MED23: variants seen among roughly 807,000 people sequenced by gnomAD.
The protein encoded by MED23 is mediator complex subunit 23.
A neutral mutation model predicts 163.9 loss-of-function variants in MED23; 105 were observed. The observed-to-expected ratio is 0.64, with a 90% confidence interval of 0.55 to 0.75. The LOEUF is 0.75. MED23 is among the 30% of genes least tolerant of loss of function. The probability of loss-of-function intolerance (pLI) is 0.00; values close to 1 mark genes in which losing one functional copy is unlikely to be tolerated. For synonymous variants in MED23, 561 were observed against 565.6 expected (o/e 0.99, Z 0.12); for missense variants, 1,054 against 1,649.0 (o/e 0.64, Z 6.25).
downstream of MED23, chr6:131,582,704 C>T (rs1773993991): frequency 1.2e-6 from 2 of 1,613,546 alleles, no homozygotes; most frequent in Non-Finnish European, 1.7e-6. Context: ...GAGACGTGGA[C>T]CCTGGGGAAC....
Position 131,596,134 on chromosome 6 carries a change from G to A in MED23, c.2808C>T (p.Gly936=), listed in dbSNP as rs201053777. Residue 936 remains glycine, a synonymous_variant, in exon 22 of 29, where the codon GGC becomes GGT. Transcript: ENST00000368068. ...CAGGAGGATCCACCTGTTCCGCGAG[G>A]CCCTCAAAATACAACTTCTCTGGAT... ...KKYPEKLYFE[G]LAEQVDPPVQ... is the part of the protein sequence containing the mutation. 9 of 1,614,058 alleles carry A rather than the reference G, an allele frequency of 5.6e-6. No individual in the cohort carries two copies. In the East Asian group the frequency reaches 2.0e-4, roughly 36 times the overall value.
intron 17 of MED23, among the ~76,000 whole-genome samples, chr6:131,600,638 A>G (rs576282960): frequency 1.3e-5 from 2 of 152,380 alleles, no homozygotes; most frequent in African/African-American, 2.4e-5. Context: ...GCTAAAACCA[A>G]TAACTATCTC....
chr6:131,587,981 G>A, intron 28 of MED23, 135 bp from the exon 29 acceptor site: 1 of 738,250 alleles, frequency 1.4e-6, no homozygotes, highest in Non-Finnish European at 2.3e-6. Flanking sequence ...TTCTTAACAT[G>A]TTCTGTGTTT....
Position 131,628,168 on chromosome 6 carries a change from C to G in MED23, c.-119G>C. Reference sequence around the variant, plus strand: ...GGAGGAAACCGTAGCTCCTCGGCGTCGCTTCCTCCCCCAGCGCTTTACCTG... The same window carrying G: ...GGAGGAAACCGTAGCTCCTCGGCGTGGCTTCCTCCCCCAGCGCTTTACCTG... On this transcript the variant is annotated 5_prime_UTR_variant, in exon 1 of 29. Coordinates refer to ENST00000368068, the MANE Select transcript of MED23 (RefSeq NM_004830.4). The G allele has an allele frequency of 8.5e-7, 1 of 1,173,346 alleles. No homozygotes were observed. Among genetic ancestry groups the G allele is most frequent in the Non-Finnish European group, 1.3e-6 (1 of 792,766 alleles). 72.7% of individuals were successfully genotyped at this position (1,173,346 alleles called of 1,614,324 possible). A position where few individuals can be genotyped will look rare whatever the true frequency, so the allele number is the denominator to read the frequency against.
chr6:131,624,982 T>C lies in MED23; in HGVS notation c.167A>G (p.His56Arg). The C allele has an allele frequency of 6.2e-7, 1 of 1,613,634 alleles. No homozygotes were observed. Among genetic ancestry groups the C allele is most frequent in the Non-Finnish European group, 8.5e-7 (1 of 1,179,920 alleles). ...QFWGGLSQES[H>R]EQCIQWIVKF... The stretch of plus-strand genomic sequence containing the variant: ...AACAATCCACTGGATACACTGTTCA[T>C]GAGACTCCTGGAAAATGAGAGAATG... The change falls in exon 4 of 29, where the codon CAT becomes CGT. Residue 56 changes from histidine (H) to arginine (R), a missense_variant. By Grantham distance (29) the His-to-Arg change is conservative. This residue lies in a region of MED23 where 227 missense variants were observed against 235.5 expected (regional missense o/e 0.96). Transcript: ENST00000368068.
At chr6:131,602,927 T>TAA in intron 16 of MED23, 103 bp downstream of exon 16, 1 of 1,228,364 alleles carries the variant, frequency 8.1e-7, no homozygotes, top group South Asian at 1.4e-5. Flanking sequence ...AGATGAATAA[T>TAA]AATAAAAAAA....
intron 11 of MED23, 30 bp downstream of exon 11, chr6:131,610,016 G>A: frequency 6.3e-7 from 1 of 1,596,732 alleles, no homozygotes; most frequent in Non-Finnish European, 8.6e-7. Context: ...AACAGGTGAA[G>A]TCACTCCGAC....
chr6:131,583,237 T>TAA, downstream of MED23: 1 of 1,597,608 alleles, frequency 6.3e-7, no homozygotes, highest in Non-Finnish European at 8.6e-7. Flanking sequence ...AAGTTATTAA[T>TAA]AAAGTCTTTA....
At chr6:131,600,306 A>G in intron 17 of MED23, 144 bp from the exon 18 acceptor site, 1 of 806,106 alleles carries the variant, frequency 1.2e-6, no homozygotes, top group South Asian at 1.6e-5. Flanking sequence ...TCAGCTTAGA[A>G]CCTAAATTTG....
chr6:131,575,395 C>T (rs1773565578), intron 30 of MED23, among the ~76,000 whole-genome samples: 1 of 152,076 alleles, frequency 6.6e-6, no homozygotes. Context: ...AAGCAGCACC[C>T]TATTGGGGTT....
At chr6:131,618,976 C>G (rs1776890999) in intron 8 of MED23, among the ~76,000 whole-genome samples, 1 of 152,208 alleles carries the variant, frequency 6.6e-6, no homozygotes, top group Non-Finnish European at 1.5e-5. Context: ...AAACTTTATG[C>G]ACGATATTCC....
At position 131,623,423 on chromosome 6, in the gene MED23, C is replaced by T. The variant is rs1319550135; in HGVS notation, c.324G>A (p.Glu108=). 1.2e-6 allele frequency: 2 copies of T among 1,614,146 alleles called. No homozygotes were observed. The highest frequency in any genetic ancestry group is 1.3e-5 in the African/African-American group (1 of 75,034). Residue 108 remains glutamate, a synonymous_variant, in exon 5 of 29, where the codon GAG becomes GAA. Transcript: ENST00000368068. ...AGGCCCAAAGCTGTGTTCTTTCCCACTCAAGAGTGTCAGAGTTTATCAGGG... is the reference window on the plus strand; with the variant it reads ...AGGCCCAAAGCTGTGTTCTTTCCCATTCAAGAGTGTCAGAGTTTATCAGGG... ...CESLINSDTL[E]WERTQLWALT... is the part of the protein sequence containing the mutation.
rs1359360354 is a variant in MED23, at chr6:131,609,577, A to AT, written c.1077+468dup. Among the ~76,000 whole-genome samples the AT allele has an allele frequency of 2.5e-5, 3 of 121,474 alleles. No homozygotes were observed. The Admixed American group carries it at 3.3e-4, about 13-fold the overall frequency. The allele number at this position is 121,474 out of a possible 152,430, so 79.7% of individuals were successfully genotyped here. ...GCCGAGGCTGGAGTGCAGTCGTGTG[A>AT]TTTTGGCTCACTGCAACCTTAGGGA... is the stretch of plus-strand genomic sequence containing the variant. On this transcript the variant is annotated intron_variant, in intron 11 of 28. Coordinates refer to ENST00000368068, the MANE Select transcript of MED23 (RefSeq NM_004830.4).
Position 131,603,024 on chromosome 6 carries a change from G to A in MED23, c.1931+6C>T. On this transcript the variant is annotated splice_donor_region_variant and intron_variant, in intron 16 of 28. Coordinates refer to ENST00000368068, the MANE Select transcript of MED23 (RefSeq NM_004830.4). ...CTTAAGGAAAGATGGTCTTCAATGA[G>A]CTCACCAAAGATGGAGCTGGTTCTG... 6.2e-7 allele frequency: 1 copy of A among 1,613,484 alleles called. No individual in the cohort carries two copies. The highest frequency in any genetic ancestry group is 1.3e-5 in the African/African-American group (1 of 74,996).
At chr6:131,612,009 A>C (rs925504176) in intron 10 of MED23, among the ~76,000 whole-genome samples, 2 of 152,164 alleles carry the variant, frequency 1.3e-5, no homozygotes, top group Admixed American at 6.5e-5. Context: ...AAATAGTACG[A>C]TTTTGACAAA....
intron 9 of MED23, 40 bp downstream of exon 9, chr6:131,618,367 G>T: frequency 7.5e-7 from 1 of 1,335,736 alleles, no homozygotes; most frequent in Non-Finnish European, 1.1e-6. Flanking sequence ...GTTGAAGACT[G>T]TCAGATGGAC....
intron 7 of MED23, 35 bp downstream of exon 7, chr6:131,620,593 A>G (rs1038809910): frequency 6.6e-7 from 1 of 1,521,556 alleles, no homozygotes; most frequent in Non-Finnish European, 9.1e-7. Flanking sequence ...CCAGCCGAAA[A>G]TTTTTATTAA....
rs570999537 is a variant in MED23 at position 131,590,629 on chromosome 6, T to G, written c.3687-187A>C. 2.1e-3 allele frequency among the ~76,000 whole-genome samples: 316 copies of G among 152,338 alleles called. 1 individual carries two copies. Among genetic ancestry groups the G allele is most frequent in the African/African-American group, 6.8e-3 (281 of 41,584 alleles). On this transcript the variant is annotated intron_variant, in intron 26 of 28. Transcript: ENST00000368068. ...GGCTATTACTTTCACTTGATTATTTTTATTTATTTATTTTTTTGAGACGGA... is the reference window on the plus strand; with the variant it reads ...GGCTATTACTTTCACTTGATTATTTGTATTTATTTATTTTTTTGAGACGGA...
rs1197368868 is a variant in MED23 at position 131,586,999 on chromosome 6, A to AT, written c.*679dup. ...TTGGAGAATCAACCATTTAAGCATGATTTTAAGTTCAAGAATTTTCAGATG... is the reference window on the plus strand; with the variant it reads ...TTGGAGAATCAACCATTTAAGCATGATTTTTAAGTTCAAGAATTTTCAGATG... On this transcript the variant is annotated 3_prime_UTR_variant, in exon 29 of 29. Coordinates refer to ENST00000368068, the MANE Select transcript of MED23 (RefSeq NM_004830.4). 1.4e-5 allele frequency: 21 copies of AT among 1,462,138 alleles called. No individual in the cohort carries two copies. Among genetic ancestry groups the AT allele is most frequent in the Non-Finnish European group, 1.9e-5 (21 of 1,106,832 alleles). 90.6% of individuals were successfully genotyped at this position (1,462,138 alleles called of 1,614,324 possible).
Sources: gnomAD v4.1 joint callset for allele counts (sites outside exome capture counted in the v4.1 genomes callset) on GRCh38, gnomAD v4.1.1 for gene constraint, gnomAD v4.1.1 regional missense constraint, MANE v1.5 for transcripts, NCBI Gene and HGNC (gene_info 2026-07-23, HGNC 2026-07-21) for gene names.